POLDIP3: variants seen among roughly 807,000 people sequenced by gnomAD.
The protein encoded by POLDIP3 is polymerase delta-interacting protein 3.
POLDIP3 carries 14 observed loss-of-function variants against 45.1 expected under a neutral mutation model. The ratio of observed to expected loss-of-function variants is 0.31; its 90% CI spans 0.20 to 0.49. The LOEUF (loss-of-function observed/expected upper bound fraction) is 0.49. Ranked by LOEUF, POLDIP3 falls within the 20% of genes least tolerant of loss-of-function variation. POLDIP3 has a pLI of 0.99. For synonymous variants in POLDIP3, 223 were observed against 205.2 expected (o/e 1.09, Z -0.74); for missense variants, 511 against 538.8 (o/e 0.95, Z 0.51).
chr22:42,596,242 T>C lies in POLDIP3; in HGVS notation c.757A>G (p.Met253Val). The C allele has an allele frequency of 1.2e-6, 2 of 1,614,176 alleles. No individual in the cohort carries two copies. Among genetic ancestry groups the C allele is most frequent in the African/African-American group, 1.3e-5 (1 of 75,024 alleles). ...TCCTTGTTCACCAGTGTCCGGGACA[T>C]GTTGGTCAAGGCTTTTGTTCGAATA... ...SSIRTKALTN[M>V]SRTLVNKEEP... The change falls in exon 5 of 9, where the codon ATG (methionine) becomes GTG (valine). Residue 253 changes from methionine to valine, a missense_variant. This residue lies in a region of POLDIP3 where 378 missense variants were observed against 352.3 expected (regional missense o/e 1.07). Coordinates refer to ENST00000252115, the MANE Select transcript of POLDIP3 (RefSeq NM_032311.5).
chr22:42,600,530 G>A (rs571415147), intron 3 of POLDIP3, among the ~76,000 whole-genome samples: 29 of 152,222 alleles, frequency 1.9e-4, no homozygotes, highest in African/African-American at 7.0e-4. Flanking sequence ...GGAGGCTGAG[G>A]CAGGAGAATG....
At chr22:42,607,603 C>G (rs1417761892) in intron 1 of POLDIP3, among the ~76,000 whole-genome samples, 8 of 151,366 alleles carry the variant, frequency 5.3e-5, no homozygotes, top group African/African-American at 1.9e-4. Context: ...TCTGCCCGGC[C>G]GTCCAGTCTG....
chr22:42,598,145 C>T (rs1926113709), intron 4 of POLDIP3, among the ~76,000 whole-genome samples: 1 of 151,014 alleles, frequency 6.6e-6, no homozygotes, highest in Non-Finnish European at 1.5e-5. Flanking sequence ...TGCAGTGGCA[C>T]AATCTCGGCT....
In POLDIP3 at chr22:42,614,876, C is replaced by A. The variant is rs1443576292; in HGVS notation, c.-19G>T. 3 of 1,613,850 alleles carry A rather than the reference C, an allele frequency of 1.9e-6. No homozygotes were observed. The African/African-American group carries it at 4.0e-5, about 22-fold the overall frequency. ...CCGCCATCTTGCTCCGCCGAGCAAG[C>A]CGAAAGCAGTCGAGACCCCGCGAGC... On this transcript the variant is annotated 5_prime_UTR_variant, in exon 1 of 9. Transcript: ENST00000252115.
Position 42,603,027 on chromosome 22 carries a change from C to T in POLDIP3, c.193G>A (p.Ala65Thr). ...TCCTTGACTCCCAGTTTGAGCCGGG[C>T]ATCTGAGAGGCCAATCTTCTGCCGG... Reference protein sequence around the residue: ...DARQKIGLSDARLKLGVKDAR... With the variant: ...DARQKIGLSDTRLKLGVKDAR... The change falls in exon 2 of 9, where the codon GCC becomes ACC. Residue 65 changes from alanine to threonine, a missense_variant. By Grantham distance (58) the Ala-to-Thr change is moderately conservative. Coordinates refer to ENST00000252115, the MANE Select transcript of POLDIP3 (RefSeq NM_032311.5). 6.2e-7 allele frequency: 1 copy of T among 1,614,158 alleles called. No homozygotes were observed. The highest frequency in any genetic ancestry group is 1.1e-5 in the South Asian group (1 of 91,084).
intron 4 of POLDIP3, among the ~76,000 whole-genome samples, chr22:42,598,874 G>A (rs556855239): frequency 1.2e-4 from 19 of 152,290 alleles, no homozygotes; most frequent in Non-Finnish European, 2.6e-4. Flanking sequence ...CCTCCCTGAT[G>A]ATCCCAGATG....
At position 42,604,207 on chromosome 22, in the gene POLDIP3, G is replaced by A. The variant is rs185674540; in HGVS notation, c.60-1047C>T. ...GGGGTGCTCTTTGGGAAACCCTCCC[G>A]GATTTCTCCAGGCCAACTCTCCTCT... On this transcript the variant is annotated intron_variant, in intron 1 of 8. Coordinates refer to ENST00000252115, the MANE Select transcript of POLDIP3 (RefSeq NM_032311.5). Among the ~76,000 whole-genome samples, 211 of 152,252 alleles carry A rather than the reference G, an allele frequency of 1.4e-3. 1 individual carries two copies. Among genetic ancestry groups the A allele is most frequent in the African/African-American group, 4.2e-3 (175 of 41,542 alleles).
rs564155924 is a variant in POLDIP3, at chr22:42,603,145, C to G, written c.75G>C (p.Pro25=). The G allele has an allele frequency of 6.2e-7, 1 of 1,613,814 alleles. No individual in the cohort carries two copies. The highest frequency in any genetic ancestry group is 8.5e-7 in the Non-Finnish European group (1 of 1,179,900). Residue 25 remains proline (P), a synonymous_variant, in exon 2 of 9, where the codon CCG becomes CCC. Coordinates refer to ENST00000252115, the MANE Select transcript of POLDIP3 (RefSeq NM_032311.5). ...AAAKGRLNAR[P]GVGGVRSRVG... ...CTCGAGATCGGACACCTCCAACTCC[C>G]GGTCTGGCATTAAGCCTGTAAATAT...
chr22:42,595,740 G>C lies in POLDIP3; in HGVS notation c.814-126C>G, dbSNP rs535344089. 913 of 811,002 alleles carry C rather than the reference G, an allele frequency of 1.1e-3. 9 individuals carry two copies. In the South Asian group the frequency reaches 0.012, roughly 10 times the overall value. 50.2% of individuals were successfully genotyped at this position (811,002 alleles called of 1,614,324 possible). On this transcript the variant is annotated intron_variant, in intron 5 of 8. Coordinates refer to ENST00000252115, the MANE Select transcript of POLDIP3 (RefSeq NM_032311.5). ...GCTCCATGGAGAGTTACCACAAATG[G>C]GCCCCCTGAACTTCAGTGTCCACTA... is the stretch of plus-strand genomic sequence containing the variant.
rs751956234 is a variant in POLDIP3, at chr22:42,585,163, TTAGA to T, written c.*624_*627del. On this transcript the variant is annotated 3_prime_UTR_variant, in exon 9 of 9. Transcript: ENST00000252115. Reference sequence around the variant, plus strand: ...CGACACGGGACTCCAAGCCAAGAGCTTAGATAGACTCTTCCCAGCGGTGCAGCCT... The same window carrying T: ...CGACACGGGACTCCAAGCCAAGAGCTTAGACTCTTCCCAGCGGTGCAGCCT... The T allele has an allele frequency of 9.7e-5, 45 of 463,950 alleles. No homozygotes were observed. The highest frequency in any genetic ancestry group is 9.4e-4 in the East Asian group (15 of 15,910). 28.7% of individuals were successfully genotyped at this position (463,950 alleles called of 1,614,324 possible). A position where few individuals can be genotyped will look rare whatever the true frequency, so the allele number is the denominator to read the frequency against.
In POLDIP3 at chr22:42,614,794, C is replaced by CT. The variant is rs762382958; in HGVS notation, c.59+4dup. On this transcript the variant is annotated splice_donor_region_variant and intron_variant, in intron 1 of 8. Coordinates refer to ENST00000252115, the MANE Select transcript of POLDIP3 (RefSeq NM_032311.5). Reference sequence around the variant, plus strand: ...TAAACCCCGAAGAAAGGAAAGGCCTCTCACCGTCCTTTCGCCGCCGCCCCG... The same window carrying CT: ...TAAACCCCGAAGAAAGGAAAGGCCTCTTCACCGTCCTTTCGCCGCCGCCCCG... The CT allele has an allele frequency of 1.7e-5, 28 of 1,613,894 alleles. No individual in the cohort carries two copies. Among genetic ancestry groups the CT allele is most frequent in the Non-Finnish European group, 2.3e-5 (27 of 1,179,892 alleles).
intron 8 of POLDIP3, among the ~76,000 whole-genome samples, chr22:42,586,450 C>T (rs1925320834): frequency 6.6e-6 from 1 of 152,114 alleles, no homozygotes; most frequent in African/African-American, 2.4e-5. Context: ...ACCTCGGCCC[C>T]CCAAGTAACT....
chr22:42,608,545 T>C (rs1926919577), intron 1 of POLDIP3, among the ~76,000 whole-genome samples: 1 of 152,160 alleles, frequency 6.6e-6, no homozygotes, highest in Non-Finnish European at 1.5e-5. Flanking sequence ...TAAAAATTTA[T>C]ACATATATAT....
At position 42,607,394 on chromosome 22, in the gene POLDIP3, G is replaced by T. The variant is rs1329687924; in HGVS notation, c.60-4234C>A. On this transcript the variant is annotated intron_variant, in intron 1 of 8. Coordinates refer to ENST00000252115, the MANE Select transcript of POLDIP3 (RefSeq NM_032311.5). ...TCCCGAGGTGCCGGGATTGCAGACG[G>T]AGTCTCGCTCAATCAGTGCTCGTTG... Among the ~76,000 whole-genome samples, 4 of 152,250 alleles carry T rather than the reference G, an allele frequency of 2.6e-5. No homozygotes were observed. In the South Asian group the frequency reaches 6.2e-4, roughly 24 times the overall value.
Position 42,584,961 on chromosome 22 carries a change from G to A in POLDIP3, c.*830C>T, listed in dbSNP as rs1158949009. 2.0e-5 allele frequency: 9 copies of A among 456,160 alleles called. 1 individual carries two copies. The East Asian group carries it at 4.2e-4, about 21-fold the overall frequency. The allele number at this position is 456,160 out of a possible 1,614,324, so 28.3% of individuals were successfully genotyped here. A position where few individuals can be genotyped will look rare whatever the true frequency, so the allele number is the denominator to read the frequency against. ...AAGGCCCAACCAGAAGAGAGCTGGC[G>A]GCTACACAAAACCAGGGTGTGGTTA... On this transcript the variant is annotated 3_prime_UTR_variant, in exon 9 of 9. Coordinates refer to ENST00000252115, the MANE Select transcript of POLDIP3 (RefSeq NM_032311.5).
chr22:42,608,804 T>C (rs1481235361), intron 1 of POLDIP3, among the ~76,000 whole-genome samples: 2 of 152,048 alleles, frequency 1.3e-5, no homozygotes. Flanking sequence ...TAACGGTAGT[T>C]GAGGATGTAG....
chr22:42,596,295 G>A lies in POLDIP3; in HGVS notation c.704C>T (p.Ala235Val), dbSNP rs746832668. ...LPLTKVVQNDAYTAPALPSSI... is the reference protein window; with the variant it reads ...LPLTKVVQNDVYTAPALPSSI... ...GGAAGGGAGAGCAGGAGCTGTGTATGCATCATTCTGAACCACTTTGGTGAG... is the reference window on the plus strand; with the variant it reads ...GGAAGGGAGAGCAGGAGCTGTGTATACATCATTCTGAACCACTTTGGTGAG... Residue 235 changes from alanine (A) to valine (V), a missense_variant, in exon 5 of 9, where the codon GCA (alanine) becomes GTA (valine). By Grantham distance (64) the Ala-to-Val change is moderately conservative. Coordinates refer to ENST00000252115, the MANE Select transcript of POLDIP3 (RefSeq NM_032311.5). 4 of 1,613,908 alleles carry A rather than the reference G, an allele frequency of 2.5e-6. No homozygotes were observed. The highest frequency in any genetic ancestry group is 1.3e-5 in the African/African-American group (1 of 74,902).
At chr22:42,594,068 C>T (rs137100) in intron 6 of POLDIP3, among the ~76,000 whole-genome samples, 53,308 of 151,960 alleles carry the variant, frequency 0.35, 11,688 homozygotes, top group African/African-American at 0.62. Context: ...AAGACCAACA[C>T]GGCCAACATG....
intron 7 of POLDIP3, 39 bp downstream of exon 7, chr22:42,591,916 G>C: frequency 6.2e-7 from 1 of 1,612,906 alleles, no homozygotes; most frequent in Non-Finnish European, 8.5e-7. Context: ...AAGTAGAGAT[G>C]AGTGGGAGGG....
Sources: allele counts gnomAD v4.1 joint callset (sites outside exome capture counted in the v4.1 genomes callset), GRCh38; gene constraint gnomAD v4.1.1; regional missense constraint gnomAD v4.1.1; transcripts MANE v1.5; gene names NCBI Gene and HGNC (gene_info 2026-07-23, HGNC 2026-07-21).